The following AUTS2 variants were observed in gnomAD, a reference collection of about 807,000 sequenced individuals.
AUTS2 encodes the protein autism susceptibility gene 2 protein.
A neutral mutation model predicts 112.4 loss-of-function variants in AUTS2; 17 were observed. The ratio of observed to expected loss-of-function variants is 0.15; its 90% CI spans 0.10 to 0.23. The LOEUF (loss-of-function observed/expected upper bound fraction) is 0.23, where lower values mean the gene tolerates loss of function less well. AUTS2 is among the 10% of genes least tolerant of loss of function. The pLI is 1.00. For synonymous variants in AUTS2, 751 were observed against 702.7 expected (o/e 1.07, Z -1.09); for missense variants, 1,510 against 1,701.6 (o/e 0.89, Z 1.98).
chr7:70,395,102 T>G (rs562643672), intron 4 of AUTS2, among the ~76,000 whole-genome samples: 1 of 151,756 alleles, frequency 6.6e-6, no homozygotes, highest in East Asian at 2.0e-4. Flanking sequence ...ATAGAGGAGA[T>G]TGACCACTGT....
chr7:69,755,385 C>T (rs890554776), intron 1 of AUTS2, among the ~76,000 whole-genome samples: 1 of 152,198 alleles, frequency 6.6e-6, no homozygotes, highest in African/African-American at 2.4e-5. Flanking sequence ...CCACCAAAAA[C>T]TAATCATCTT....
rs1792039740 is a variant in AUTS2, at chr7:70,792,546, C to T, written c.*1550C>T. 7.0e-6 allele frequency: 1 copy of T among 142,188 alleles called. No individual in the cohort carries two copies. Among genetic ancestry groups the T allele is most frequent in the Non-Finnish European group, 1.5e-5 (1 of 66,066 alleles). 8.8% of individuals were successfully genotyped at this position (142,188 alleles called of 1,614,324 possible). A position where few individuals can be genotyped will look rare whatever the true frequency, so the allele number is the denominator to read the frequency against. On this transcript the variant is annotated 3_prime_UTR_variant, in exon 19 of 19. Transcript: ENST00000342771. ...CATTGTTTCTAATAAGCAGAGAGAT[C>T]TATTTTAGTAGTAAACTGAAGGTTT...
chr7:70,108,387 C>CA (rs1359713767), intron 2 of AUTS2, among the ~76,000 whole-genome samples: 2 of 151,990 alleles, frequency 1.3e-5, no homozygotes, highest in Non-Finnish European at 2.9e-5. Context: ...TTTCCAGAAA[C>CA]AAAGTTTTAA....
intron 6 of AUTS2, among the ~76,000 whole-genome samples, chr7:70,734,194 C>T (rs963969747): frequency 3.3e-5 from 5 of 151,958 alleles, no homozygotes; most frequent in African/African-American, 1.2e-4. Flanking sequence ...AATCCCAGCA[C>T]TTTGGGAGGC....
At chr7:70,192,040 A>G (rs754274331) in intron 4 of AUTS2, among the ~76,000 whole-genome samples, 1 of 152,134 alleles carries the variant, frequency 6.6e-6, no homozygotes, top group Admixed American at 6.5e-5. Flanking sequence ...GGATTTTGAA[A>G]CCTAACTCCT....
intron 4 of AUTS2, among the ~76,000 whole-genome samples, chr7:70,347,462 G>A (rs1488187605): frequency 6.6e-6 from 1 of 152,184 alleles, no homozygotes; most frequent in Non-Finnish European, 1.5e-5. Context: ...GCATGTATGG[G>A]TGAATATTCC....
At chr7:69,979,152 A>G (rs1387416276) in intron 2 of AUTS2, among the ~76,000 whole-genome samples, 1 of 152,190 alleles carries the variant, frequency 6.6e-6, no homozygotes, top group African/African-American at 2.4e-5. Flanking sequence ...TGTGTCAGAA[A>G]ACTATTTGGG....
At chr7:69,668,568 A>T (rs528049662) in intron 1 of AUTS2, among the ~76,000 whole-genome samples, 1 of 152,298 alleles carries the variant, frequency 6.6e-6, no homozygotes, top group African/African-American at 2.4e-5. Flanking sequence ...GAGAGTAAAT[A>T]TCTTTTCTCT....
At position 69,599,824 on chromosome 7, in the gene AUTS2, A is replaced by G. The variant is rs1792277238; in HGVS notation, c.171A>G (p.Glu57=). The stretch of plus-strand genomic sequence containing the variant: ...CCTCGTCGTCGGGCTCCGACAAGGA[A>G]GACAATGGGAAGCCCCCGTCCTCCG... The part of the protein sequence containing the change: ...SLASSSGSDK[E]DNGKPPSSAP... Residue 57 remains glutamate (E), a synonymous_variant, in exon 1 of 19, where the codon GAA becomes GAG. Transcript: ENST00000342771. The surrounding 1 kb of genome is among the most constrained non-coding windows in gnomAD (Gnocchi z 7.0). 1.9e-6 allele frequency: 3 copies of G among 1,609,440 alleles called. No homozygotes were observed. The highest frequency in any genetic ancestry group is 1.3e-5 in the African/African-American group (1 of 74,592).
At chr7:69,793,600 G>T (rs1409083349) in intron 1 of AUTS2, among the ~76,000 whole-genome samples, 1 of 152,136 alleles carries the variant, frequency 6.6e-6, no homozygotes, top group African/African-American at 2.4e-5. Context: ...GTGGCTTTGG[G>T]CAGGGTGTAG....
At chr7:70,097,232 T>A (rs951521804) in intron 2 of AUTS2, among the ~76,000 whole-genome samples, 3 of 152,212 alleles carry the variant, frequency 2.0e-5, no homozygotes, top group Non-Finnish European at 4.4e-5. Context: ...TATGAATGAA[T>A]CAAGAACTCA....
chr7:70,501,206 G>C (rs10486872), intron 5 of AUTS2, among the ~76,000 whole-genome samples: 1 of 151,854 alleles, frequency 6.6e-6, no homozygotes, highest in Non-Finnish European at 1.5e-5. Flanking sequence ...AAAATATCTC[G>C]GGCAAGTTAA....
At chr7:70,671,082 T>G (rs917499740) in intron 5 of AUTS2, among the ~76,000 whole-genome samples, 4 of 152,176 alleles carry the variant, frequency 2.6e-5, no homozygotes, top group African/African-American at 7.2e-5. Context: ...TGAGGCAGGA[T>G]AATTGCTTGA....
At chr7:70,128,127 A>T (rs540584192) in intron 3 of AUTS2, among the ~76,000 whole-genome samples, 1 of 152,246 alleles carries the variant, frequency 6.6e-6, no homozygotes, top group East Asian at 1.9e-4. Context: ...CTCTCTTTTT[A>T]AAAAAATCTG....
Position 70,040,286 on chromosome 7 carries a change from T to C in AUTS2, c.523-77846T>C, listed in dbSNP as rs563831163. On this transcript the variant is annotated intron_variant, in intron 2 of 18. Transcript: ENST00000342771. ...CCTGTGGGGAATGCTGATAGGGAGA[T>C]TGTCCATGTGTAGGGACAGGAAGTA... is the stretch of plus-strand genomic sequence containing the variant. 2.0e-5 allele frequency among the ~76,000 whole-genome samples: 3 copies of C among 152,282 alleles called. No homozygotes were observed. In the East Asian group the frequency reaches 5.8e-4, roughly 29 times the overall value.
chr7:69,778,926 G>C (rs927104047), intron 1 of AUTS2, among the ~76,000 whole-genome samples: 1 of 151,850 alleles, frequency 6.6e-6, no homozygotes, highest in Non-Finnish European at 1.5e-5. Context: ...GTTGTGGACT[G>C]TGCAATAGTG....
intron 6 of AUTS2, among the ~76,000 whole-genome samples, chr7:70,741,842 T>C (rs1364855983): frequency 6.6e-6 from 1 of 152,114 alleles, no homozygotes; most frequent in East Asian, 1.9e-4. Context: ...TTATCTGAAC[T>C]TGGAAAGAAG....
chr7:69,749,909 C>T (rs561187576), intron 1 of AUTS2, among the ~76,000 whole-genome samples: 70 of 152,126 alleles, frequency 4.6e-4, no homozygotes, highest in Admixed American at 2.8e-3. Context: ...GGCAGAGAAC[C>T]GCAGGAAAAG....
In AUTS2 at chr7:69,938,669, A is replaced by G. The variant is rs1355244730; in HGVS notation, c.522+39171A>G. Among the ~76,000 whole-genome samples the G allele has an allele frequency of 3.9e-5, 6 of 152,220 alleles. No homozygotes were observed. In the East Asian group the frequency reaches 5.8e-4, roughly 15 times the overall value. On this transcript the variant is annotated intron_variant, in intron 2 of 18. Coordinates refer to ENST00000342771, the MANE Select transcript of AUTS2 (RefSeq NM_015570.4). ...GTACACCCTAACCTAGGGAAGTGCA[A>G]TGAGCAGAGAGGGGATGGAGTATGT...
Sources: gnomAD v4.1 joint callset for allele counts (sites outside exome capture counted in the v4.1 genomes callset) on GRCh38, gnomAD v4.1.1 for gene constraint, Gnocchi (gnomAD v3.1) non-coding constraint, MANE v1.5 for transcripts, NCBI Gene and HGNC (gene_info 2026-07-23, HGNC 2026-07-21) for gene names.